Variants in SLC30A8 observed in about 807,000 individuals in gnomAD.
SLC30A8 encodes solute carrier family 30 member 8.
SLC30A8 carries 27 observed loss-of-function variants against 36.9 expected under a neutral mutation model. The ratio of observed to expected loss-of-function variants is 0.73; its 90% CI spans 0.54 to 1.01. The LOEUF is 1.01. SLC30A8 is among the 50% of genes least tolerant of loss of function. SLC30A8 has a pLI of 0.00. For missense variants in SLC30A8, 439 were observed against 452.0 expected (o/e 0.97, Z 0.26); for synonymous variants, 164 against 172.4 (o/e 0.95, Z 0.38).
intron 1 of SLC30A8, among the ~76,000 whole-genome samples, chr8:116,958,531 G>A (rs1414887362): frequency 6.6e-6 from 1 of 152,076 alleles, no homozygotes; most frequent in Non-Finnish European, 1.5e-5. Flanking sequence ...TTTCCAGTGA[G>A]AATTCTACTG....
intron 1 of SLC30A8, among the ~76,000 whole-genome samples, chr8:117,146,508 A>G (rs1373237486): frequency 1.3e-5 from 2 of 152,180 alleles, no homozygotes; most frequent in African/African-American, 2.4e-5. Flanking sequence ...AAACAGTGCT[A>G]TGATCTGTCA....
At chr8:117,159,635 C>G (rs1822675356) in intron 4 of SLC30A8, among the ~76,000 whole-genome samples, 1 of 152,192 alleles carries the variant, frequency 6.6e-6, no homozygotes, top group Admixed American at 6.5e-5. Flanking sequence ...GTGAGTAGAT[C>G]AATGTAAATC....
At chr8:117,025,063 A>T (rs1816833244) in intron 1 of SLC30A8, among the ~76,000 whole-genome samples, 1 of 152,206 alleles carries the variant, frequency 6.6e-6, no homozygotes. Context: ...TGAAGTATTC[A>T]TTCTGTCACT....
chr8:117,168,059 C>T (rs187635657), intron 6 of SLC30A8, among the ~76,000 whole-genome samples: 7 of 152,124 alleles, frequency 4.6e-5, no homozygotes, highest in Admixed American at 2.0e-4. Flanking sequence ...TTATTCACTA[C>T]CAGGAGAACG....
intron 2 of SLC30A8, among the ~76,000 whole-genome samples, chr8:117,063,547 C>T (rs1259393881): frequency 1.3e-5 from 2 of 152,140 alleles, no homozygotes; most frequent in African/African-American, 4.8e-5. Context: ...ATGCAACATA[C>T]ACATGCAAAT....
At chr8:117,049,271 C>A (rs1341112817) in intron 2 of SLC30A8, among the ~76,000 whole-genome samples, 1 of 152,148 alleles carries the variant, frequency 6.6e-6, no homozygotes, top group African/African-American at 2.4e-5. Flanking sequence ...CATAATGTTG[C>A]CCACATGCCA....
At chr8:117,034,217 ACTTTTT>A (rs1418378779) in intron 1 of SLC30A8, among the ~76,000 whole-genome samples, 1 of 152,168 alleles carries the variant, frequency 6.6e-6, no homozygotes, top group Non-Finnish European at 1.5e-5. Context: ...TATTTTTTAA[ACTTTTT>A]CTTTTAAATC....
At chr8:117,009,805 G>A (rs929559249) in intron 1 of SLC30A8, among the ~76,000 whole-genome samples, 2 of 152,156 alleles carry the variant, frequency 1.3e-5, no homozygotes, top group Non-Finnish European at 2.9e-5. Context: ...ATTGTTGACT[G>A]GGTCCACAAT....
intron 1 of SLC30A8, among the ~76,000 whole-genome samples, chr8:117,034,935 C>G (rs1817165837): frequency 6.6e-6 from 1 of 152,032 alleles, no homozygotes; most frequent in Non-Finnish European, 1.5e-5. Context: ...ACCATCAGAT[C>G]TCATGAGAAC....
chr8:117,116,739 C>G (rs184868564), intron 2 of SLC30A8, among the ~76,000 whole-genome samples: 56 of 152,158 alleles, frequency 3.7e-4, no homozygotes, highest in Admixed American at 5.9e-4. Flanking sequence ...AGGTACCCAT[C>G]ACAGTGAAAT....
chr8:116,990,228 T>C lies in SLC30A8; in HGVS notation c.-266+39109T>C, dbSNP rs115789225. 9.4e-3 allele frequency among the ~76,000 whole-genome samples: 1,438 copies of C among 152,258 alleles called. 33 individuals are homozygous for C. The highest frequency in any genetic ancestry group is 0.033 in the African/African-American group (1,382 of 41,552). ...CCTGCTTGTTCCTAAAACCTAGGTT[T>C]CAGAAACATTGATTGCCCCTCCGGG... is the stretch of plus-strand genomic sequence containing the variant. On this transcript the variant is annotated intron_variant, in intron 1 of 10. Coordinates refer to the SLC30A8 transcript ENST00000427715.
At chr8:117,076,705 A>G (rs1252375950) in intron 2 of SLC30A8, among the ~76,000 whole-genome samples, 5 of 152,016 alleles carry the variant, frequency 3.3e-5, no homozygotes, top group African/African-American at 9.7e-5. Context: ...CTCTTTTTTA[A>G]TCATTACCTT....
chr8:117,068,267 T>C (rs1258712724), intron 2 of SLC30A8, among the ~76,000 whole-genome samples: 1 of 152,194 alleles, frequency 6.6e-6, no homozygotes, highest in Non-Finnish European at 1.5e-5. Context: ...CCAACTCCTC[T>C]GAGCCTGCCT....
chr8:117,018,257 AATACATAC>A (rs139753003), intron 1 of SLC30A8: 23 of 137,106 alleles, frequency 1.7e-4, no homozygotes, highest in Middle Eastern at 3.7e-3. Context: ...CTTATAAATA[AATACATAC>A]ATACATACAT....
chr8:117,060,755 GA>G (rs1432199149), intron 2 of SLC30A8, among the ~76,000 whole-genome samples: 1 of 152,114 alleles, frequency 6.6e-6, no homozygotes, highest in Non-Finnish European at 1.5e-5. Flanking sequence ...ACTGGGGAAG[GA>G]AATTTTCTAA....
intron 4 of SLC30A8, 104 bp from the exon 5 acceptor site, chr8:117,161,634 T>C: frequency 9.6e-7 from 1 of 1,042,406 alleles, no homozygotes; most frequent in Non-Finnish European, 1.4e-6. Context: ...ATTTCAACTA[T>C]CCATCATTTT....
intron 1 of SLC30A8, among the ~76,000 whole-genome samples, chr8:117,026,589 C>T (rs957533039): frequency 1.3e-5 from 2 of 152,096 alleles, no homozygotes; most frequent in African/African-American, 2.4e-5. Context: ...TGATTCACTG[C>T]GGTAGACAGA....
At chr8:117,037,871 G>C (rs979542521) in intron 1 of SLC30A8, among the ~76,000 whole-genome samples, 1 of 152,198 alleles carries the variant, frequency 6.6e-6, no homozygotes, top group African/African-American at 2.4e-5. Flanking sequence ...ATTTAAAAGA[G>C]AGAGAAAGTT....
At chr8:117,052,300 T>C (rs146192131) in intron 2 of SLC30A8, among the ~76,000 whole-genome samples, 23 of 152,332 alleles carry the variant, frequency 1.5e-4, no homozygotes, top group African/African-American at 4.3e-4. Flanking sequence ...CATGAGCCAC[T>C]GCGCCCAGCC....
Sources: allele counts gnomAD v4.1 joint callset (sites outside exome capture counted in the v4.1 genomes callset), GRCh38; gene constraint gnomAD v4.1.1; transcripts MANE v1.5; gene names NCBI Gene and HGNC (gene_info 2026-07-23, HGNC 2026-07-21).